SNX18: variants seen among roughly 807,000 people sequenced by gnomAD.
SNX18 encodes sorting nexin-18.
A neutral mutation model predicts 48.7 loss-of-function variants in SNX18; 35 were observed. That is an observed-to-expected ratio of 0.72 (90% confidence interval 0.55 to 0.95). The LOEUF (loss-of-function observed/expected upper bound fraction) is 0.95, where lower values mean the gene tolerates loss of function less well. SNX18 is among the 40% of genes least tolerant of loss of function. The pLI is 0.00. For missense variants in SNX18, 824 were observed against 871.0 expected (o/e 0.95, Z 0.68); for synonymous variants, 492 against 384.7 (o/e 1.28, Z -3.26).
At chr5:54,528,048 C>T (rs569232333) in intron 1 of SNX18, among the ~76,000 whole-genome samples, 1 of 151,960 alleles carries the variant, frequency 6.6e-6, no homozygotes, top group Non-Finnish European at 1.5e-5. Context: ...TTTGAAAATG[C>T]TTAAAGTGCC....
chr5:54,631,446 C>A, the SNX18 span, among the ~76,000 whole-genome samples: 2 of 151,628 alleles, frequency 1.3e-5, no homozygotes, highest in African/African-American at 4.9e-5. Flanking sequence ...TTTGGTAATG[C>A]TTTTTCTTTT....
intron 1 of SNX18, among the ~76,000 whole-genome samples, chr5:54,525,347 C>T (rs1762111491): frequency 6.6e-6 from 1 of 151,130 alleles, no homozygotes; most frequent in South Asian, 2.1e-4. Context: ...TCAAATCCAG[C>T]CAGAGCAACA....
the SNX18 span, among the ~76,000 whole-genome samples, chr5:54,613,920 C>T: frequency 6.6e-6 from 1 of 152,278 alleles, no homozygotes; most frequent in East Asian, 1.9e-4. Flanking sequence ...GTCTCGAACT[C>T]CCGACCTCAG....
chr5:54,630,980 C>T, the SNX18 span, among the ~76,000 whole-genome samples: 458 of 152,274 alleles, frequency 3.0e-3, 3 homozygotes, highest in African/African-American at 0.011. Flanking sequence ...GTTTTCAAGC[C>T]TCTCTTCACT....
chr5:54,622,917 A>C, the SNX18 span, among the ~76,000 whole-genome samples: 64 of 152,194 alleles, frequency 4.2e-4, no homozygotes, highest in Non-Finnish European at 8.4e-4. Flanking sequence ...AAATACTTCA[A>C]AGTTAGAAAT....
the SNX18 span, among the ~76,000 whole-genome samples, chr5:54,570,189 G>C: frequency 6.6e-6 from 1 of 152,196 alleles, no homozygotes; most frequent in African/African-American, 2.4e-5. Flanking sequence ...CAAGTGATGA[G>C]GAAGGTGAAC....
At chr5:54,575,522 C>A in the SNX18 span, among the ~76,000 whole-genome samples, 1,205 of 152,016 alleles carry the variant, frequency 7.9e-3, 15 homozygotes, top group African/African-American at 0.027. Flanking sequence ...CAGGTGCTCA[C>A]CACCACGCCT....
intron 1 of SNX18, among the ~76,000 whole-genome samples, chr5:54,534,675 G>GT (rs1762318011): frequency 7.3e-6 from 1 of 137,658 alleles, no homozygotes. Flanking sequence ...TTGCTTTTTT[G>GT]TTTTGTTTTT....
chr5:54,644,870 C>T, the SNX18 span: 27 of 152,378 alleles, frequency 1.8e-4, no homozygotes, highest in Non-Finnish European at 3.5e-4. Context: ...GACTGCTAAT[C>T]TCTGGACTTA....
chr5:54,585,067 G>A, the SNX18 span, among the ~76,000 whole-genome samples: 2 of 152,214 alleles, frequency 1.3e-5, no homozygotes, highest in South Asian at 4.1e-4. Context: ...TGAGGCAGGA[G>A]GATCATTTGA....
At chr5:54,565,415 G>GA in the SNX18 span, among the ~76,000 whole-genome samples, 1,037 of 148,474 alleles carry the variant, frequency 7.0e-3, 14 homozygotes, top group African/African-American at 0.023. Context: ...CTCTACGAAA[G>GA]AAAAAAAAAA....
chr5:54,548,517 C>A (rs1391987703), downstream of SNX18, among the ~76,000 whole-genome samples: 2 of 152,202 alleles, frequency 1.3e-5, no homozygotes, highest in South Asian at 4.1e-4. Context: ...TGGGTCAGAT[C>A]CTAGTTGCTC....
At chr5:54,548,728 T>C (rs767771811), downstream of SNX18, among the ~76,000 whole-genome samples, 6 of 152,230 alleles carry the variant, frequency 3.9e-5, no homozygotes, top group Non-Finnish European at 7.3e-5. Flanking sequence ...TTAATAAATG[T>C]TCTATTCCTG....
the SNX18 span, among the ~76,000 whole-genome samples, chr5:54,623,120 T>C: frequency 6.6e-6 from 1 of 152,178 alleles, no homozygotes; most frequent in African/African-American, 2.4e-5. Context: ...TCTGTAGTGA[T>C]AATCTGCTTA....
At chr5:54,562,547 G>A in the SNX18 span, among the ~76,000 whole-genome samples, 1 of 152,114 alleles carries the variant, frequency 6.6e-6, no homozygotes, top group Non-Finnish European at 1.5e-5. Flanking sequence ...TGACATCATA[G>A]CCATGGTAAT....
chr5:54,575,088 T>C, the SNX18 span, among the ~76,000 whole-genome samples: 3 of 152,272 alleles, frequency 2.0e-5, no homozygotes, highest in African/African-American at 7.2e-5. Context: ...GAGGAACAGA[T>C]GCTACATGAC....
At chr5:54,609,221 G>C in the SNX18 span, among the ~76,000 whole-genome samples, 22 of 152,150 alleles carry the variant, frequency 1.4e-4, no homozygotes, top group Non-Finnish European at 2.8e-4. Flanking sequence ...CCACCGAGGA[G>C]CTGAATTTTT....
intron 1 of SNX18, among the ~76,000 whole-genome samples, chr5:54,529,869 A>T (rs901525087): frequency 1.3e-5 from 2 of 152,210 alleles, no homozygotes; most frequent in Admixed American, 1.3e-4. Flanking sequence ...TTTCAGCATT[A>T]ATTATCAGCT....
chr5:54,642,656 A>T, the SNX18 span, among the ~76,000 whole-genome samples: 3 of 152,234 alleles, frequency 2.0e-5, no homozygotes, highest in Non-Finnish European at 4.4e-5. Flanking sequence ...GCTGGAAGCA[A>T]ACTTATAAAC....
Sources: gnomAD v4.1 joint callset for allele counts (sites outside exome capture counted in the v4.1 genomes callset) on GRCh38, gnomAD v4.1.1 for gene constraint, MANE v1.5 for transcripts, NCBI Gene and HGNC (gene_info 2026-07-23, HGNC 2026-07-21) for gene names.